The following CARD19 variants were observed in gnomAD, a reference collection of about 807,000 sequenced individuals.
CARD19 encodes caspase recruitment domain family member 19.
Under a neutral mutation model 24.1 loss-of-function variants are expected in CARD19, and 25 were observed. That is an observed-to-expected ratio of 1.04 (90% CI 0.76 to 1.45). The LOEUF is 1.45. Ranked by LOEUF, CARD19 falls within the 40% of genes most tolerant of loss-of-function variation. The pLI is 0.00. For synonymous variants in CARD19, 103 were observed against 104.9 expected, an observed-to-expected ratio of 0.98 and a Z score of 0.11; for missense variants, 241 against 247.4, an observed-to-expected ratio of 0.97 and a Z score of 0.17.
intron 3 of CARD19, chr9:93,111,107 G>A (rs775985836): frequency 2.1e-5 from 27 of 1,269,968 alleles, no homozygotes; most frequent in Non-Finnish European, 2.6e-5. Context: ...GCTCCTAGGC[G>A]GTCCCAGCTG....
intron 1 of CARD19, among the ~76,000 whole-genome samples, chr9:93,103,546 A>C (rs575463913): frequency 6.6e-6 from 1 of 152,300 alleles, no homozygotes; most frequent in South Asian, 2.1e-4. Context: ...CTGTTGATTT[A>C]ATCCCTGGAT....
chr9:93,111,966 T>C (rs745868642), intron 4 of CARD19, 28 bp downstream of exon 4: 3 of 1,580,152 alleles, frequency 1.9e-6, no homozygotes, highest in Non-Finnish European at 1.7e-6. Context: ...CCCCTCCCTC[T>C]CTCTCCCTCT....
intron 1 of CARD19, among the ~76,000 whole-genome samples, chr9:93,098,315 G>A (rs938990297): frequency 6.6e-6 from 1 of 152,248 alleles, no homozygotes; most frequent in Non-Finnish European, 1.5e-5. Context: ...GGAAACCAAG[G>A]AACAGGTATT....
chr9:93,099,646 G>A (rs1827006125), intron 1 of CARD19, among the ~76,000 whole-genome samples: 1 of 152,222 alleles, frequency 6.6e-6, no homozygotes, highest in African/African-American at 2.4e-5. Context: ...CGAGAGGGCT[G>A]CAGGCGCTGG....
At chr9:93,102,832 A>T (rs1388958680) in intron 1 of CARD19, among the ~76,000 whole-genome samples, 1 of 152,172 alleles carries the variant, frequency 6.6e-6, no homozygotes, top group Non-Finnish European at 1.5e-5. Flanking sequence ...CTTTCAGTGT[A>T]CAAGATTTTT....
chr9:93,102,411 G>C (rs889946473), intron 1 of CARD19, among the ~76,000 whole-genome samples: 2 of 152,074 alleles, frequency 1.3e-5, no homozygotes, highest in African/African-American at 4.8e-5. Context: ...TATGGAGTAA[G>C]GATACTAATC....
Position 93,107,756 on chromosome 9 carries a change from G to A in CARD19, c.90G>A (p.Arg30=), listed in dbSNP as rs1304043509. Residue 30 remains arginine, a synonymous_variant, in exon 2 of 6, where the codon AGG becomes AGA. Coordinates refer to ENST00000375464, the MANE Select transcript of CARD19 (RefSeq NM_032310.5). ...HGRLSEQQVD[R]IILQLNRYYP... is the part of the protein sequence containing the mutation. ...GCTTGAGTGAGCAGCAGGTGGACAG[G>A]ATCATCCTCCAGCTGAACCGTTACT... 1.2e-6 allele frequency: 2 copies of A among 1,614,116 alleles called. No individual in the cohort carries two copies. The highest frequency in any genetic ancestry group is 4.5e-5 in the East Asian group (2 of 44,900).
At chr9:93,112,409 G>T in intron 5 of CARD19, 120 bp downstream of exon 5, 1 of 797,150 alleles carries the variant, frequency 1.3e-6, no homozygotes, top group South Asian at 1.5e-5. Flanking sequence ...GTCCACACTT[G>T]TGCAGTGGGA....
At chr9:93,100,755 T>A (rs2119065604) in intron 1 of CARD19, among the ~76,000 whole-genome samples, 1 of 152,336 alleles carries the variant, frequency 6.6e-6, no homozygotes, top group South Asian at 2.1e-4. Context: ...GTAATCTGTA[T>A]TCTATTTTCT....
intron 2 of CARD19, among the ~76,000 whole-genome samples, chr9:93,108,084 C>T (rs536216212): frequency 3.3e-5 from 5 of 152,258 alleles, no homozygotes; most frequent in East Asian, 1.9e-4. Flanking sequence ...GTCCCCTTCC[C>T]GAGTTGCTGG....
chr9:93,110,842 CA>C (rs1429303537), intron 3 of CARD19, 121 bp downstream of exon 3: 1 of 1,535,536 alleles, frequency 6.5e-7, no homozygotes, highest in Admixed American at 2.0e-5. Context: ...CCAGGCCTGG[CA>C]TCCCCTCTCG....
At chr9:93,105,142 A>T (rs1409443042) in intron 1 of CARD19, among the ~76,000 whole-genome samples, 1 of 150,492 alleles carries the variant, frequency 6.6e-6, no homozygotes, top group Non-Finnish European at 1.5e-5. Context: ...TGCATCCCTT[A>T]GGTTTTAGCG....
intron 4 of CARD19, 23 bp downstream of exon 4, chr9:93,111,961 C>A: frequency 6.3e-7 from 1 of 1,577,440 alleles, no homozygotes; most frequent in Non-Finnish European, 8.6e-7. Context: ...TGCTGCCCCT[C>A]CCTCTCTCTC....
At chr9:93,107,524 G>A (rs901038527) in intron 1 of CARD19, 150 bp from the exon 2 acceptor site, 2 of 863,672 alleles carry the variant, frequency 2.3e-6, no homozygotes, top group East Asian at 5.3e-5. Context: ...GCACCACACA[G>A]GCTGGGATGG....
intron 1 of CARD19, among the ~76,000 whole-genome samples, chr9:93,106,336 G>A (rs903600760): frequency 6.6e-6 from 1 of 151,132 alleles, no homozygotes; most frequent in Non-Finnish European, 1.5e-5. Flanking sequence ...CAGCACTTTG[G>A]GAGGCTGAGG....
At position 93,112,082 on chromosome 9, in the gene CARD19, C is replaced by G. The variant is rs950998195; in HGVS notation, c.365-136C>G. On this transcript the variant is annotated intron_variant, in intron 4 of 5. Coordinates refer to ENST00000375464, the MANE Select transcript of CARD19 (RefSeq NM_032310.5). ...GCCTTCTGTTGGTGACAGACCCCCC[C>G]CCTAAGGTGCTCGTTTGGGGGCTCT... 1.4e-4 allele frequency: 184 copies of G among 1,335,180 alleles called. 1 individual carries two copies. The Admixed American group carries it at 2.3e-3, about 17-fold the overall frequency. The allele number at this position is 1,335,180 out of a possible 1,614,324, so 82.7% of individuals were successfully genotyped here.
intron 1 of CARD19, among the ~76,000 whole-genome samples, chr9:93,100,524 GTTTA>G (rs1409121511): frequency 2.6e-5 from 4 of 152,192 alleles, no homozygotes; most frequent in East Asian, 1.9e-4. Flanking sequence ...ATAAACCAGA[GTTTA>G]TTTATCCATT....
intron 1 of CARD19, among the ~76,000 whole-genome samples, chr9:93,107,425 G>A (rs925565938): frequency 3.3e-5 from 5 of 152,242 alleles, no homozygotes; most frequent in African/African-American, 4.8e-5. Context: ...GATAAGCTCT[G>A]TGAAAGTGGG....
rs1473240267 is a variant in CARD19 at position 93,107,726 on chromosome 9, T to C, written c.60T>C (p.His20=). The C allele has an allele frequency of 2.5e-6, 4 of 1,614,258 alleles. No homozygotes were observed. The highest frequency in any genetic ancestry group is 3.4e-6 in the Non-Finnish European group (4 of 1,180,032). ...LVQDTPFLTG[H]GRLSEQQVDR... ...AGGACACGCCTTTCCTGACAGGCCATGGGCGCTTGAGTGAGCAGCAGGTGG... is the reference window on the plus strand; with the variant it reads ...AGGACACGCCTTTCCTGACAGGCCACGGGCGCTTGAGTGAGCAGCAGGTGG... Residue 20 remains histidine, a synonymous_variant, in exon 2 of 6, where the codon CAT becomes CAC. Coordinates refer to ENST00000375464, the MANE Select transcript of CARD19 (RefSeq NM_032310.5).
Sources: gnomAD v4.1 joint callset for allele counts (sites outside exome capture counted in the v4.1 genomes callset) on GRCh38, gnomAD v4.1.1 for gene constraint, MANE v1.5 for transcripts, NCBI Gene and HGNC (gene_info 2026-07-23, HGNC 2026-07-21) for gene names.